Variants in CRB1 observed in about 807,000 individuals in gnomAD.
The protein encoded by CRB1 is crumbs cell polarity complex component 1.
Under a neutral mutation model 120.0 loss-of-function variants are expected in CRB1, and 83 were observed. The observed-to-expected ratio is 0.69, with a 90% CI of 0.58 to 0.83. The LOEUF (loss-of-function observed/expected upper bound fraction) is 0.83, where lower values mean the gene tolerates loss of function less well. Ranked by LOEUF, CRB1 falls within the 40% of genes least tolerant of loss-of-function variation. CRB1 has a pLI of 0.00. For synonymous variants in CRB1, 625 were observed against 612.5 expected (o/e 1.02, Z -0.30); for missense variants, 1,699 against 1,687.6 (o/e 1.01, Z -0.12).
At chr1:197,210,428 A>G in the CRB1 span, among the ~76,000 whole-genome samples, 1 of 152,200 alleles carries the variant, frequency 6.6e-6, no homozygotes, top group South Asian at 2.1e-4. Context: ...CAGGAATTCA[A>G]GGTAGAAACC....
rs1014820864 is a variant in CRB1 at position 197,420,004 on chromosome 1, C to CA, written c.1172-988dup. Reference sequence around the variant, plus strand: ...TCAAAAACGAAAAAAAAAAAACAAACAAAAAAAACTAGTTAATGTAGGGTC... The same window carrying CA: ...TCAAAAACGAAAAAAAAAAAACAAACAAAAAAAAACTAGTTAATGTAGGGTC... On this transcript the variant is annotated intron_variant, in intron 5 of 11. Transcript: ENST00000367400. 1.2e-3 allele frequency among the ~76,000 whole-genome samples: 169 copies of CA among 146,458 alleles called. 1 individual carries two copies. Among genetic ancestry groups the CA allele is most frequent in the Admixed American group, 2.3e-3 (33 of 14,518 alleles).
At chr1:197,238,676 T>C in the CRB1 span, among the ~76,000 whole-genome samples, 87 of 152,040 alleles carry the variant, frequency 5.7e-4, no homozygotes, top group African/African-American at 1.9e-3. Flanking sequence ...AGAAACCCCA[T>C]CTCTACTAAA....
chr1:197,416,067 A>G (rs752797676), intron 5 of CRB1, among the ~76,000 whole-genome samples: 18 of 152,232 alleles, frequency 1.2e-4, no homozygotes, highest in Admixed American at 3.3e-4. Flanking sequence ...GCTACTGCCC[A>G]AACTATTCAC....
At chr1:197,229,641 T>C in the CRB1 span, among the ~76,000 whole-genome samples, 1,308 of 152,268 alleles carry the variant, frequency 8.6e-3, 18 homozygotes, top group African/African-American at 0.03. Context: ...CCAGTGTCTG[T>C]TGTTCTCATC....
At chr1:197,244,759 T>C in the CRB1 span, among the ~76,000 whole-genome samples, 1 of 151,998 alleles carries the variant, frequency 6.6e-6, no homozygotes, top group Non-Finnish European at 1.5e-5. Context: ...TTTTCTTTTT[T>C]GGTCTCATCT....
chr1:197,260,313 A>G, the CRB1 span, among the ~76,000 whole-genome samples: 1 of 152,182 alleles, frequency 6.6e-6, no homozygotes, highest in African/African-American at 2.4e-5. Flanking sequence ...TAGTTTGGAC[A>G]TTGGCTATCC....
chr1:197,207,139 C>T, the CRB1 span, among the ~76,000 whole-genome samples: 2 of 152,162 alleles, frequency 1.3e-5, no homozygotes, highest in South Asian at 4.1e-4. Flanking sequence ...AGACAGCAAA[C>T]ACTTGGTTGG....
At chr1:197,294,562 A>G (rs901911905) in intron 1 of CRB1, among the ~76,000 whole-genome samples, 2 of 152,140 alleles carry the variant, frequency 1.3e-5, no homozygotes, top group African/African-American at 2.4e-5. Context: ...CTGAGTATAT[A>G]CCCAATGGAT....
At chr1:197,273,848 A>G (rs948927501) in intron 1 of CRB1, among the ~76,000 whole-genome samples, 1 of 151,848 alleles carries the variant, frequency 6.6e-6, no homozygotes, top group African/African-American at 2.4e-5. Flanking sequence ...TCCTGACCCA[A>G]TCCTAGCATA....
intron 11 of CRB1, among the ~76,000 whole-genome samples, chr1:197,464,829 T>C (rs1382193894): frequency 1.3e-5 from 2 of 152,192 alleles, no homozygotes; most frequent in East Asian, 1.9e-4. Flanking sequence ...TTATCTCAGC[T>C]TCTTTCTTAA....
At chr1:197,426,718 C>T (rs1282275709) in intron 6 of CRB1, among the ~76,000 whole-genome samples, 1 of 152,146 alleles carries the variant, frequency 6.6e-6, no homozygotes, top group Non-Finnish European at 1.5e-5. Flanking sequence ...TTCCTACTCC[C>T]AACCAGGACC....
At chr1:197,246,843 C>T in the CRB1 span, among the ~76,000 whole-genome samples, 4 of 152,012 alleles carry the variant, frequency 2.6e-5, no homozygotes, top group African/African-American at 9.7e-5. Flanking sequence ...GTCTATGGTT[C>T]ACAAAGCCTA....
At chr1:197,454,802 C>T (rs1666197742) in intron 11 of CRB1, among the ~76,000 whole-genome samples, 1 of 152,072 alleles carries the variant, frequency 6.6e-6, no homozygotes, top group African/African-American at 2.4e-5. Flanking sequence ...TTACGGAAAC[C>T]GGTTTTTAAA....
Position 197,321,172 on chromosome 1 carries a change from T to C in CRB1, c.71-7250T>C, listed in dbSNP as rs75284396. 7.6e-4 allele frequency among the ~76,000 whole-genome samples: 115 copies of C among 152,306 alleles called. 1 individual carries two copies. In the East Asian group the frequency reaches 0.022, roughly 29 times the overall value. ...ATTCTCCATGTGTGCCATAGGGCTATGCACATGAGCTGAGGCATGTCTGTA... is the reference window on the plus strand; with the variant it reads ...ATTCTCCATGTGTGCCATAGGGCTACGCACATGAGCTGAGGCATGTCTGTA... On this transcript the variant is annotated intron_variant, in intron 1 of 11. Coordinates refer to ENST00000367400, the MANE Select transcript of CRB1 (RefSeq NM_201253.3).
intron 1 of CRB1, among the ~76,000 whole-genome samples, chr1:197,292,915 A>G (rs1436686096): frequency 6.6e-6 from 1 of 152,186 alleles, no homozygotes; most frequent in Non-Finnish European, 1.5e-5. Flanking sequence ...ACATATCTCA[A>G]AAAATAAGAT....
intron 5 of CRB1, among the ~76,000 whole-genome samples, chr1:197,396,858 A>G (rs1662798342): frequency 6.6e-6 from 1 of 152,156 alleles, no homozygotes; most frequent in Non-Finnish European, 1.5e-5. Context: ...CGAAGAGAAC[A>G]CAGAAAATAT....
In CRB1 at chr1:197,453,560, A is replaced by G. The variant is rs1387647184; in HGVS notation, c.4005+11268A>G. Among the ~76,000 whole-genome samples the G allele has an allele frequency of 3.1e-5, 4 of 129,868 alleles. No individual in the cohort carries two copies. In the South Asian group the frequency reaches 7.3e-4, roughly 24 times the overall value. The allele number at this position is 129,868 out of a possible 152,430, so 85.2% of individuals were successfully genotyped here. On this transcript the variant is annotated intron_variant, in intron 11 of 11. Transcript: ENST00000367400. Reference sequence around the variant, plus strand: ...TATATAGAGAGAGAGACAGAGAGAGAGAGAGAGAGGGAGAGGGAGAGAGAG... The same window carrying G: ...TATATAGAGAGAGAGACAGAGAGAGGGAGAGAGAGGGAGAGGGAGAGAGAG...
At chr1:197,347,536 C>T (rs888539666) in intron 4 of CRB1, 57 bp downstream of exon 4, 50 of 1,514,210 alleles carry the variant, frequency 3.3e-5, no homozygotes, top group South Asian at 6.8e-5. Context: ...ATACACATAT[C>T]GCTTATAGCA....
chr1:197,444,698 A>G (rs1665615515), intron 11 of CRB1: 1 of 152,174 alleles, frequency 6.6e-6, no homozygotes, highest in East Asian at 1.9e-4. Flanking sequence ...TCTTCTTGTC[A>G]TAAGGTATCT....
Sources: allele counts gnomAD v4.1 joint callset (sites outside exome capture counted in the v4.1 genomes callset), GRCh38; gene constraint gnomAD v4.1.1; transcripts MANE v1.5; gene names NCBI Gene and HGNC (gene_info 2026-07-23, HGNC 2026-07-21).